Variants in ZNF560 observed in about 807,000 individuals in gnomAD.
ZNF560 encodes the protein zinc finger protein 560.
ZNF560 carries 54 observed loss-of-function variants against 81.8 expected under a neutral mutation model. The observed-to-expected ratio is 0.66, with a 90% CI of 0.53 to 0.83. The LOEUF (loss-of-function observed/expected upper bound fraction) is 0.83. ZNF560 is among the 40% of genes least tolerant of loss of function. ZNF560 has a pLI of 0.00. For missense variants in ZNF560, 940 were observed against 932.4 expected (o/e 1.01, Z -0.11); for synonymous variants, 321 against 317.9 (o/e 1.01, Z -0.10).
chr19:9,491,916 T>G (rs1360146169), intron 2 of ZNF560, among the ~76,000 whole-genome samples: 1 of 133,592 alleles, frequency 7.5e-6, no homozygotes, highest in African/African-American at 3.1e-5. Flanking sequence ...CTAATGCTAC[T>G]GCTAGGTGCC....
the ZNF560 span, among the ~76,000 whole-genome samples, chr19:9,446,546 A>G: frequency 5.1e-4 from 77 of 152,308 alleles, no homozygotes; most frequent in African/African-American, 1.8e-3. Context: ...GCACTCTGGT[A>G]TGCCTTGGTA....
chr19:9,490,277 AG>A (rs2073450371), intron 2 of ZNF560, among the ~76,000 whole-genome samples: 1 of 152,236 alleles, frequency 6.6e-6, no homozygotes. Context: ...TTAAGACTAC[AG>A]GAGATAACAA....
chr19:9,474,531 T>C (rs2073170285), intron 3 of ZNF560, among the ~76,000 whole-genome samples: 1 of 152,190 alleles, frequency 6.6e-6, no homozygotes, highest in African/African-American at 2.4e-5. Flanking sequence ...TGTATGGCTT[T>C]AATGGCACAT....
the ZNF560 span, among the ~76,000 whole-genome samples, chr19:9,454,166 C>A: frequency 1.3e-5 from 2 of 152,192 alleles, no homozygotes; most frequent in East Asian, 1.9e-4. Flanking sequence ...AGAGCCTGTC[C>A]CTTGGTTCTC....
chr19:9,450,967 C>T, the ZNF560 span, among the ~76,000 whole-genome samples: 1 of 152,154 alleles, frequency 6.6e-6, no homozygotes, highest in Non-Finnish European at 1.5e-5. Context: ...AACTACAAAA[C>T]AACACTGCTG....
the ZNF560 span, among the ~76,000 whole-genome samples, chr19:9,506,407 TTC>T: frequency 3.6e-5 from 4 of 110,260 alleles, no homozygotes; most frequent in Admixed American, 1.9e-4. Flanking sequence ...GACTGCACGC[TTC>T]TGTTGTTTTT....
intron 2 of ZNF560, among the ~76,000 whole-genome samples, chr19:9,489,044 T>C (rs1194207133): frequency 6.6e-6 from 1 of 152,262 alleles, no homozygotes; most frequent in Non-Finnish European, 1.5e-5. Flanking sequence ...GAAGTCACTA[T>C]GCTTCCTGTA....
intron 2 of ZNF560, among the ~76,000 whole-genome samples, chr19:9,481,582 A>C (rs1485123308): frequency 6.6e-6 from 1 of 152,224 alleles, no homozygotes; most frequent in East Asian, 1.9e-4. Flanking sequence ...ACAAGAAAAA[A>C]ATCAAACCAC....
chr19:9,493,584 A>G (rs1023178059), intron 2 of ZNF560, among the ~76,000 whole-genome samples: 3 of 151,734 alleles, frequency 2.0e-5, no homozygotes, highest in African/African-American at 7.3e-5. Flanking sequence ...CTGGTCTCAA[A>G]CTCCTGACGT....
Position 9,468,339 on chromosome 19 carries a change from T to A in ZNF560, c.613-5A>T, listed in dbSNP as rs745528795. 3 of 1,580,362 alleles carry A rather than the reference T, an allele frequency of 1.9e-6. No homozygotes were observed. The highest frequency in any genetic ancestry group is 2.6e-6 in the Non-Finnish European group (3 of 1,166,022). ...CTCTCCATTTTGGTTTCTTGCCTGT[T>A]AACACAGGAATGAACAATAAAGGAA... On this transcript the variant is annotated splice_polypyrimidine_tract_variant and splice_region_variant and intron_variant, in intron 9 of 9. Coordinates refer to ENST00000301480, the MANE Select transcript of ZNF560 (RefSeq NM_152476.3).
chr19:9,478,437 T>C (rs1050926564), intron 2 of ZNF560, among the ~76,000 whole-genome samples: 2 of 151,776 alleles, frequency 1.3e-5, no homozygotes, highest in African/African-American at 4.8e-5. Context: ...AGGACACTAA[T>C]TAGTAACAAG....
rs200998976 is a variant in ZNF560 at position 9,466,829 on chromosome 19, G to A, written c.2118C>T (p.Leu706=). Reference sequence around the variant, plus strand: ...TACATTTATAGGGTTTTATTTTGGTGAGAGTTTTTAAGCGATCATGAAAGC... The same window carrying A: ...TACATTTATAGGGTTTTATTTTGGTAAGAGTTTTTAAGCGATCATGAAAGC... The part of the protein sequence containing the change: ...SMCFHDRLKT[L]TKIKPYKCKD... The change falls in exon 10 of 10, where the codon CTC becomes CTT. Residue 706 remains leucine (L), a synonymous_variant. Transcript: ENST00000301480. The A allele has an allele frequency of 1.4e-4, 233 of 1,614,134 alleles. No homozygotes were observed. The highest frequency in any genetic ancestry group is 8.2e-4 in the Middle Eastern group (5 of 6,062).
chr19:9,477,068 C>A (rs1032720492), intron 2 of ZNF560, among the ~76,000 whole-genome samples: 9 of 152,048 alleles, frequency 5.9e-5, no homozygotes, highest in Admixed American at 5.9e-4. Flanking sequence ...TATATTAAAT[C>A]TTTACTGCTG....
downstream of ZNF560, among the ~76,000 whole-genome samples, chr19:9,463,107 G>A (rs2072959614): frequency 1.3e-5 from 2 of 152,186 alleles, no homozygotes; most frequent in South Asian, 2.1e-4. Flanking sequence ...AATGACTGAA[G>A]GTTACAAGTT....
chr19:9,458,560 A>G, the ZNF560 span, among the ~76,000 whole-genome samples: 536 of 152,356 alleles, frequency 3.5e-3, 4 homozygotes, highest in African/African-American at 0.012. Context: ...TTCCACACAT[A>G]AGAGCAACTG....
chr19:9,506,438 A>G, the ZNF560 span, among the ~76,000 whole-genome samples: 1 of 149,352 alleles, frequency 6.7e-6, no homozygotes. Context: ...TGCAAAATAT[A>G]TCTTTATATA....
At chr19:9,480,838 C>A (rs2073276340) in intron 2 of ZNF560, among the ~76,000 whole-genome samples, 1 of 152,090 alleles carries the variant, frequency 6.6e-6, no homozygotes, top group East Asian at 1.9e-4. Flanking sequence ...GTAATCTCAG[C>A]ATTTTGGGAG....
chr19:9,495,098 C>A (rs1281905081), intron 2 of ZNF560, among the ~76,000 whole-genome samples: 1 of 152,010 alleles, frequency 6.6e-6, no homozygotes, highest in Non-Finnish European at 1.5e-5. Flanking sequence ...CGAGGTTGCA[C>A]CACCGCACTC....
At chr19:9,479,722 C>T (rs2073256005) in intron 2 of ZNF560, among the ~76,000 whole-genome samples, 1 of 151,914 alleles carries the variant, frequency 6.6e-6, no homozygotes, top group African/African-American at 2.4e-5. Context: ...AATAATACAG[C>T]AAAACAACTA....
Sources: allele counts gnomAD v4.1 joint callset (sites outside exome capture counted in the v4.1 genomes callset), GRCh38; gene constraint gnomAD v4.1.1; transcripts MANE v1.5; gene names NCBI Gene and HGNC (gene_info 2026-07-23, HGNC 2026-07-21).